Variants in GBE1 observed in about 807,000 individuals in gnomAD.
GBE1 encodes 1,4-alpha-glucan branching enzyme 1.
GBE1 carries 70 observed loss-of-function variants against 88.8 expected under a neutral mutation model. That is an observed-to-expected ratio of 0.79 (90% CI 0.65 to 0.96). The LOEUF (loss-of-function observed/expected upper bound fraction) is 0.96, where lower values mean the gene tolerates loss of function less well. GBE1 is among the 40% of genes least tolerant of loss of function. GBE1 has a pLI of 0.00. For synonymous variants in GBE1, 284 were observed against 300.1 expected, an observed-to-expected ratio of 0.95 and a Z score of 0.56; for missense variants, 872 against 871.0, an observed-to-expected ratio of 1.00 and a Z score of -0.01.
chr3:81,515,016 A>T (rs1174088368), intron 14 of GBE1, among the ~76,000 whole-genome samples: 1 of 151,524 alleles, frequency 6.6e-6, no homozygotes, highest in Non-Finnish European at 1.5e-5. Context: ...AAAAAAAAAC[A>T]TATATTTTGG....
In GBE1 at chr3:81,673,788, T is replaced by C. The variant is rs534799675; in HGVS notation, c.314-2835A>G. Among the ~76,000 whole-genome samples the C allele has an allele frequency of 5.3e-5, 8 of 152,058 alleles. No homozygotes were observed. In the East Asian group the frequency reaches 1.5e-3, roughly 29 times the overall value. ...AATTATACACTGTAAAAAACTTTTT[T>C]TCTTTGCATCTTCAAGAGTTTCATT... On this transcript the variant is annotated intron_variant, in intron 2 of 15. Transcript: ENST00000429644.
intron 2 of GBE1, among the ~76,000 whole-genome samples, chr3:81,694,933 A>G (rs1705570320): frequency 6.6e-6 from 1 of 152,150 alleles, no homozygotes; most frequent in African/African-American, 2.4e-5. Flanking sequence ...TGACACTCCC[A>G]TCAGTGCCAT....
intron 3 of GBE1, among the ~76,000 whole-genome samples, chr3:81,658,628 T>G (rs1576188703): frequency 6.6e-6 from 1 of 152,172 alleles, no homozygotes; most frequent in African/African-American, 2.4e-5. Flanking sequence ...TCTAGCCTAG[T>G]TAAGGAGTAT....
At chr3:81,676,065 C>A (rs1428833502) in intron 2 of GBE1, among the ~76,000 whole-genome samples, 4 of 152,002 alleles carry the variant, frequency 2.6e-5, no homozygotes, top group African/African-American at 9.7e-5. Context: ...TTTTCTCTAG[C>A]TTACTTAGTT....
chr3:81,607,264 T>C (rs1704115873), intron 7 of GBE1, among the ~76,000 whole-genome samples: 3 of 152,166 alleles, frequency 2.0e-5, no homozygotes, highest in African/African-American at 4.8e-5. Flanking sequence ...AAAATAAATA[T>C]GGCAGGCCAG....
chr3:81,758,639 C>G (rs915286770), intron 1 of GBE1, among the ~76,000 whole-genome samples: 3 of 152,150 alleles, frequency 2.0e-5, no homozygotes, highest in Non-Finnish European at 4.4e-5. Context: ...TGTAGTGTAA[C>G]AACAAGTAAA....
chr3:81,511,450 C>T (rs1702724631), intron 14 of GBE1, among the ~76,000 whole-genome samples: 1 of 151,790 alleles, frequency 6.6e-6, no homozygotes, highest in African/African-American at 2.4e-5. Context: ...TATCCAGAGT[C>T]TTATGGAATT....
chr3:81,731,969 A>C (rs1047013116), intron 1 of GBE1, among the ~76,000 whole-genome samples: 2 of 152,122 alleles, frequency 1.3e-5, no homozygotes, highest in Admixed American at 6.6e-5. Flanking sequence ...AAAAACACTA[A>C]TTTTTGTTTC....
At chr3:81,542,971 A>G (rs1046822630) in intron 12 of GBE1, among the ~76,000 whole-genome samples, 63 of 152,260 alleles carry the variant, frequency 4.1e-4, no homozygotes, top group African/African-American at 1.5e-3. Context: ...ATATTTGGTA[A>G]TATTTGGTAA....
At chr3:81,597,511 T>G (rs1459314725) in intron 7 of GBE1, among the ~76,000 whole-genome samples, 1 of 143,132 alleles carries the variant, frequency 7.0e-6, no homozygotes, top group East Asian at 2.1e-4. Flanking sequence ...ATATATCTCA[T>G]TGGTCACAAT....
At chr3:81,592,210 T>C (rs1199097934) in intron 8 of GBE1, among the ~76,000 whole-genome samples, 1 of 152,086 alleles carries the variant, frequency 6.6e-6, no homozygotes, top group Non-Finnish European at 1.5e-5. Context: ...CAAGTAATAT[T>C]ATTAACTATA....
intron 12 of GBE1, among the ~76,000 whole-genome samples, chr3:81,575,194 T>G (rs1048617992): frequency 3.3e-5 from 5 of 151,370 alleles, no homozygotes; most frequent in African/African-American, 1.2e-4. Context: ...GAGAATGCTA[T>G]GTCGATGTTA....
intron 7 of GBE1, among the ~76,000 whole-genome samples, chr3:81,607,572 A>T (rs563950596): frequency 2.8e-4 from 42 of 152,216 alleles, no homozygotes; most frequent in Non-Finnish European, 5.1e-4. Context: ...ACAAAAACAA[A>T]AAATAAATAA....
At chr3:81,615,341 C>T (rs1468688904) in intron 7 of GBE1, among the ~76,000 whole-genome samples, 1 of 152,090 alleles carries the variant, frequency 6.6e-6, no homozygotes, top group Non-Finnish European at 1.5e-5. Context: ...AATATCACAG[C>T]CAGGATATTG....
intron 7 of GBE1, among the ~76,000 whole-genome samples, chr3:81,595,474 A>G (rs1432243633): frequency 1.3e-5 from 2 of 151,952 alleles, no homozygotes; most frequent in Admixed American, 6.6e-5. Context: ...CCCCAAGCAT[A>G]TATCGATATT....
chr3:81,565,196 T>C (rs567483935), intron 12 of GBE1, among the ~76,000 whole-genome samples: 1 of 152,180 alleles, frequency 6.6e-6, no homozygotes, highest in Non-Finnish European at 1.5e-5. Flanking sequence ...ACTGCTCATA[T>C]TGAGAATTTT....
chr3:81,712,323 A>G (rs1705879652), intron 1 of GBE1, among the ~76,000 whole-genome samples: 1 of 152,210 alleles, frequency 6.6e-6, no homozygotes, highest in African/African-American at 2.4e-5. Context: ...AAGGATTATA[A>G]ATCATGCTGC....
intron 1 of GBE1, among the ~76,000 whole-genome samples, chr3:81,709,273 C>T (rs868420233): frequency 3.2e-4 from 48 of 151,850 alleles, no homozygotes; most frequent in African/African-American, 1.1e-3. Context: ...GATGGAATAC[C>T]ATATGCAAAC....
At chr3:81,609,938 C>G (rs1704157246) in intron 7 of GBE1, among the ~76,000 whole-genome samples, 1 of 151,890 alleles carries the variant, frequency 6.6e-6, no homozygotes, top group African/African-American at 2.4e-5. Flanking sequence ...TTATTCACAG[C>G]CAGTTACAAG....
Sources: allele counts gnomAD v4.1 joint callset (sites outside exome capture counted in the v4.1 genomes callset), GRCh38; gene constraint gnomAD v4.1.1; transcripts MANE v1.5; gene names NCBI Gene and HGNC (gene_info 2026-07-23, HGNC 2026-07-21).